Variants in WNK3 observed in about 807,000 individuals in gnomAD.
WNK3 encodes serine/threonine-protein kinase WNK3.
In WNK3, 18 loss-of-function variants were observed where a neutral mutation model predicts 116.7. The observed-to-expected ratio is 0.15, with a 90% confidence interval of 0.11 to 0.23. WNK3 has a LOEUF of 0.23. Ranked by LOEUF, WNK3 falls within the 10% of genes least tolerant of loss-of-function variation. WNK3 has a pLI of 1.00. For missense variants in WNK3, 993 were observed against 1,323.8 expected (o/e 0.75, Z 3.88); for synonymous variants, 404 against 469.4 (o/e 0.86, Z 1.80).
Position 54,356,684 on chromosome X carries a change from A to C in WNK3, c.-120+1002T>G, listed in dbSNP as rs145028587. Among the ~76,000 whole-genome samples, 13 of 111,550 alleles carry C rather than the reference A, an allele frequency of 1.2e-4. No individual in the cohort carries two copies. In the East Asian group the frequency reaches 3.4e-3, roughly 29 times the overall value. On this transcript the variant is annotated intron_variant, in intron 1 of 23. Coordinates refer to ENST00000354646, the Ensembl canonical transcript of WNK3. ...AAAACAGATAACGGTATCTCCAAAA[A>C]TTGGATACAATCACTACTATGCAGA...
chrX:54,345,817 G>A, intron 1 of WNK3, among the ~76,000 whole-genome samples: 1 of 108,198 alleles, frequency 9.2e-6, no homozygotes, highest in Non-Finnish European at 1.9e-5. Context: ...ACAACGAAGG[G>A]TGAGCACCAA....
chrX:54,255,706 T>G (rs1557155331), intron 12 of WNK3, 34 bp downstream of exon 12: 1 of 1,193,418 alleles, frequency 8.4e-7, no homozygotes, highest in Admixed American at 2.3e-5. Context: ...GACCTCTATA[T>G]GTACTCTTAA....
intron 10 of WNK3, among the ~76,000 whole-genome samples, chrX:54,262,051 TTTAA>T (rs1328968931): frequency 8.9e-6 from 1 of 111,937 alleles, no homozygotes; most frequent in African/African-American, 3.2e-5. Context: ...TATAAAAATG[TTTAA>T]TTATTAAATG....
At chrX:54,251,410 G>A in exon 15 of WNK3, 2 of 1,174,102 alleles carry the variant, frequency 1.7e-6, no homozygotes, top group Non-Finnish European at 2.3e-6. Flanking sequence ...GCTGGTTTGA[G>A]TAGATGTAGA....
chrX:54,264,399 C>T lies in WNK3; in HGVS notation c.2038-5061G>A, dbSNP rs2068288064. On this transcript the variant is annotated intron_variant, in intron 10 of 23. Coordinates refer to ENST00000354646, the Ensembl canonical transcript of WNK3. ...CAGGTTGGTCTCGAACTCCTGGGCC[C>T]AAGCAATCCTCCTGCCTTGACCTTC... Among the ~76,000 whole-genome samples the T allele has an allele frequency of 1.8e-5, 2 of 109,365 alleles. 1 individual carries two copies. The highest frequency in any genetic ancestry group is 8.0e-4 in the South Asian group (2 of 2,495). The allele number at this position is 109,365 out of a possible 115,157, so 95.0% of individuals were successfully genotyped here.
chrX:54,246,409 T>A (rs1270074902), intron 17 of WNK3, among the ~76,000 whole-genome samples: 1 of 108,426 alleles, frequency 9.2e-6, no homozygotes, highest in African/African-American at 3.3e-5. Flanking sequence ...AAAATGAAAT[T>A]AAAAGTGAGA....
chrX:54,206,429 A>G (rs1557142719), intron 22 of WNK3, among the ~76,000 whole-genome samples: 1 of 111,515 alleles, frequency 9.0e-6, no homozygotes, highest in African/African-American at 3.3e-5. Flanking sequence ...AAGTCAATAT[A>G]CCTGGGGTCA....
chrX:54,304,981 AT>A (rs1242957965), intron 5 of WNK3, among the ~76,000 whole-genome samples: 3 of 107,842 alleles, frequency 2.8e-5, no homozygotes, highest in Non-Finnish European at 3.8e-5. Flanking sequence ...TATTAAAAAA[AT>A]ATATATATAT....
chrX:54,333,954 C>G (rs781982017), intron 1 of WNK3, among the ~76,000 whole-genome samples, 162 bp from the exon 2 acceptor site: 71 of 111,673 alleles, frequency 6.4e-4, no homozygotes, highest in African/African-American at 2.2e-3. Flanking sequence ...TGTGTCTTAT[C>G]TTGTTTACCA....
At chrX:54,251,268 G>A (rs2068126328) in intron 15 of WNK3, 131 bp downstream of exon 15, 2 of 483,107 alleles carry the variant, frequency 4.1e-6, no homozygotes, top group South Asian at 7.7e-5. Flanking sequence ...CTTTCAAAGT[G>A]TGAGAAAACC....
chrX:54,220,364 G>A (rs782465875), intron 22 of WNK3, among the ~76,000 whole-genome samples: 106 of 110,010 alleles, frequency 9.6e-4, no homozygotes, highest in African/African-American at 3.3e-3. Flanking sequence ...GACCAGCCTG[G>A]GCAACATAAG....
At chrX:54,304,512 G>C (rs1569538484) in intron 5 of WNK3, among the ~76,000 whole-genome samples, 1 of 107,870 alleles carries the variant, frequency 9.3e-6, no homozygotes, top group Non-Finnish European at 1.9e-5. Flanking sequence ...CTGTACTCAA[G>C]CCTGGGTGAC....
intron 4 of WNK3, 48 bp downstream of exon 4, chrX:54,309,047 T>C (rs898189223): frequency 9.1e-7 from 1 of 1,097,681 alleles, no homozygotes; most frequent in Non-Finnish European, 1.3e-6. Flanking sequence ...CCTATACAAT[T>C]GAAAAATCTC....
At chrX:54,274,964 C>T (rs1016554616) in intron 10 of WNK3, among the ~76,000 whole-genome samples, 1 of 102,276 alleles carries the variant, frequency 9.8e-6, no homozygotes, top group African/African-American at 3.6e-5. Context: ...TAGACCATGA[C>T]TGAGCCACTG....
exon 24 of WNK3, chrX:54,193,014 C>G (rs1380061382): frequency 1.2e-5 from 1 of 81,723 alleles, no homozygotes; most frequent in Admixed American, 1.4e-4. Flanking sequence ...CTTGGTTTAC[C>G]AAAAAAAAAA....
exon 24 of WNK3, chrX:54,193,489 G>A (rs782297293): frequency 1.8e-5 from 2 of 110,994 alleles, no homozygotes; most frequent in African/African-American, 3.3e-5. Context: ...TTCCCTTCTT[G>A]CTTGACTTTT....
At chrX:54,222,005 A>T (rs1463792571) in intron 22 of WNK3, among the ~76,000 whole-genome samples, 2 of 111,080 alleles carry the variant, frequency 1.8e-5, no homozygotes, top group Non-Finnish European at 3.8e-5. Flanking sequence ...AAAAATACAA[A>T]AATTAGCTGC....
At chrX:54,223,315 C>T (rs2067792457) in intron 22 of WNK3, 1 of 111,544 alleles carries the variant, frequency 9.0e-6, no homozygotes, top group African/African-American at 3.3e-5. Flanking sequence ...TCTCCTCTAG[C>T]CATTCAAAAT....
chrX:54,304,357 C>T (rs1439639903), intron 5 of WNK3, among the ~76,000 whole-genome samples: 1 of 108,968 alleles, frequency 9.2e-6, no homozygotes, highest in East Asian at 2.9e-4. Flanking sequence ...TGGTGAAACC[C>T]CATCTCTACA....
Sources: gnomAD v4.1 joint callset for allele counts (sites outside exome capture counted in the v4.1 genomes callset) on GRCh38, gnomAD v4.1.1 for gene constraint, MANE v1.5 for transcripts, NCBI Gene and HGNC (gene_info 2026-07-23, HGNC 2026-07-21) for gene names.